The following CCAR2 variants were observed in gnomAD, a reference collection of about 807,000 sequenced individuals.
The protein encoded by CCAR2 is cell cycle and apoptosis regulator 2, also known as cell cycle and apoptosis regulator protein 2.
A neutral mutation model predicts 108.1 loss-of-function variants in CCAR2; 21 were observed. The ratio of observed to expected loss-of-function variants is 0.19; its 90% CI spans 0.14 to 0.28. The LOEUF (loss-of-function observed/expected upper bound fraction) is 0.28, where lower values mean the gene tolerates loss of function less well. CCAR2 is among the 10% of genes least tolerant of loss of function. The probability of loss-of-function intolerance (pLI) is 1.00; values close to 1 mark genes in which losing one functional copy is unlikely to be tolerated. For missense variants in CCAR2, 1,126 were observed against 1,177.0 expected (o/e 0.96, Z 0.63); for synonymous variants, 577 against 472.8 (o/e 1.22, Z -2.86).
Position 22,620,158 on chromosome 8 carries a change from T to C in CCAR2, c.*476T>C, listed in dbSNP as rs200102050. On this transcript the variant is annotated 3_prime_UTR_variant, in exon 21 of 21. Coordinates refer to ENST00000308511, the MANE Select transcript of CCAR2 (RefSeq NM_001393997.1). The stretch of plus-strand genomic sequence containing the variant: ...GCTCTGCTAGGTTCCGGACACAGGC[T>C]TCTGGGGGAAGGGTCTCCCTTGGCC... The C allele has an allele frequency of 5.0e-5, 8 of 161,152 alleles. No homozygotes were observed. Among genetic ancestry groups the C allele is most frequent in the Non-Finnish European group, 8.2e-5 (6 of 73,014 alleles). The allele number at this position is 161,152 out of a possible 1,614,324, so 10.0% of individuals were successfully genotyped here.
At position 22,613,054 on chromosome 8, in the gene CCAR2, G is replaced by A. The variant is rs1328446712; in HGVS notation, c.622G>A (p.Gly208Ser). Residue 208 changes from glycine to serine, a missense_variant, in exon 8 of 21, where the codon GGT (glycine) becomes AGT (serine). Around this residue, in one of 4 missense-constraint regions of CCAR2, gnomAD observed 1,013 missense variants for 993.9 expected, o/e 1.02. Coordinates refer to ENST00000308511, the MANE Select transcript of CCAR2 (RefSeq NM_001393997.1). The stretch of plus-strand genomic sequence containing the variant: ...CTCCAAGAAACGCAAACAGCGGGCT[G>A]GTGGAGAGCCCTGGGGTGCTAAGAA... ...YDSKKRKQRAGGEPWGAKKPR... is the reference protein window; with the variant it reads ...YDSKKRKQRASGEPWGAKKPR... 6.2e-7 allele frequency: 1 copy of A among 1,613,182 alleles called. No homozygotes were observed. Among genetic ancestry groups the A allele is most frequent in the Non-Finnish European group, 8.5e-7 (1 of 1,179,752 alleles).
intron 7 of CCAR2, among the ~76,000 whole-genome samples, chr8:22,608,918 C>CA (rs1801180720): frequency 6.6e-6 from 1 of 152,230 alleles, no homozygotes; most frequent in South Asian, 2.1e-4. Context: ...TCTCTACCTC[C>CA]ATCTATTCAC....
Position 22,616,226 on chromosome 8 carries a change from C to G in CCAR2, c.1823C>G (p.Ala608Gly), listed in dbSNP as rs202065330. Residue 608 changes from alanine (A) to glycine (G), a missense_variant, in exon 14 of 21, where the codon GCT becomes GGT. Physicochemically the swap from Ala to Gly is moderately conservative, Grantham distance 60. Around this residue, in one of 4 missense-constraint regions of CCAR2, gnomAD observed 1,013 missense variants for 993.9 expected, o/e 1.02. Transcript: ENST00000308511. ...GATGAGGCACAGAATGAGGGCCCGG[C>G]TACAGAGTCAGAGGCCCCGCTGGTG... Reference protein sequence around the residue: ...PKDEAQNEGPATESEAPLKED... With the variant: ...PKDEAQNEGPGTESEAPLKED... 1 of 1,613,012 alleles carries G rather than the reference C, an allele frequency of 6.2e-7. No homozygotes were observed. The highest frequency in any genetic ancestry group is 2.2e-5 in the East Asian group (1 of 44,878).
At chr8:22,616,466 C>G (rs1269326831) in intron 14 of CCAR2, 1 of 582,342 alleles carries the variant, frequency 1.7e-6, no homozygotes, top group Non-Finnish European at 3.1e-6. Flanking sequence ...GCACAGAAAC[C>G]CTTGTCACTG....
intron 4 of CCAR2, 106 bp downstream of exon 4, chr8:22,606,804 G>T: frequency 6.8e-7 from 1 of 1,479,244 alleles, no homozygotes; most frequent in Non-Finnish European, 9.4e-7. Context: ...TGCTGTTTTT[G>T]TGCAAGGTGT....
chr8:22,613,410 A>G (rs554569546), intron 8 of CCAR2, among the ~76,000 whole-genome samples: 1 of 147,062 alleles, frequency 6.8e-6, no homozygotes, highest in African/African-American at 2.5e-5. Flanking sequence ...ATGGATGAAC[A>G]TGATTTATTT....
chr8:22,614,576 C>T (rs1801422277), intron 10 of CCAR2, 73 bp downstream of exon 10: 1 of 1,380,628 alleles, frequency 7.2e-7, no homozygotes, highest in African/African-American at 1.4e-5. Flanking sequence ...GAGTGTTCGG[C>T]TCCTGTTCCT....
intron 7 of CCAR2, 49 bp downstream of exon 7, chr8:22,608,114 C>T (rs781577918): frequency 6.5e-6 from 9 of 1,384,846 alleles, no homozygotes; most frequent in Non-Finnish European, 9.1e-6. Flanking sequence ...CACTAACATT[C>T]TCTTTATTTT....
rs201278118 is a variant in CCAR2, at chr8:22,618,924, T to C, written c.2430T>C (p.Ile810=). 1.2e-6 allele frequency: 2 copies of C among 1,613,596 alleles called. No individual in the cohort carries two copies. Among genetic ancestry groups the C allele is most frequent in the East Asian group, 4.5e-5 (2 of 44,886 alleles). Reference sequence around the variant, plus strand: ...TGGTGTCCCACAATGGCAGCCTGATTAACGTGGGGAGCCTGCTGCAGCGCG... The same window carrying C: ...TGGTGTCCCACAATGGCAGCCTGATCAACGTGGGGAGCCTGCTGCAGCGCG... The part of the protein sequence containing the change: ...KALVSHNGSL[I]NVGSLLQRAE... Residue 810 remains isoleucine (I), a synonymous_variant, in exon 19 of 21, where the codon ATT becomes ATC. Coordinates refer to ENST00000308511, the MANE Select transcript of CCAR2 (RefSeq NM_001393997.1).
Position 22,616,183 on chromosome 8 carries a change from G to A in CCAR2, c.1780G>A (p.Val594Met). The A allele has an allele frequency of 6.2e-7, 1 of 1,614,012 alleles. No homozygotes were observed. Among genetic ancestry groups the A allele is most frequent in the Non-Finnish European group, 8.5e-7 (1 of 1,180,030 alleles). Residue 594 changes from valine to methionine, a missense_variant, in exon 14 of 21, where the codon GTG becomes ATG. This residue lies in a region of CCAR2 where 1,013 missense variants were observed against 993.9 expected (regional missense o/e 1.02). Transcript: ENST00000308511. Reference protein sequence around the residue: ...TKEEEAIKEEVVKEPKDEAQN... With the variant: ...TKEEEAIKEEMVKEPKDEAQN... ...GGAGGAAGAAGCCATCAAAGAGGAG[G>A]TGGTCAAGGAGCCCAAGGATGAGGC...
chr8:22,617,966 G>A (rs924849409), intron 16 of CCAR2, among the ~76,000 whole-genome samples, 188 bp downstream of exon 16: 2 of 152,188 alleles, frequency 1.3e-5, no homozygotes, highest in African/African-American at 4.8e-5. Flanking sequence ...TGTCTGTTGG[G>A]GTGAATGGGA....
Position 22,616,003 on chromosome 8 carries a change from C to T in CCAR2, c.1609-9C>T, listed in dbSNP as rs1037492461. On this transcript the variant is annotated splice_polypyrimidine_tract_variant and intron_variant, in intron 13 of 20. Coordinates refer to ENST00000308511, the MANE Select transcript of CCAR2 (RefSeq NM_001393997.1). ...CTGATGCTCATGGACCCTCCCACCTCCCCATCAGGTGATGGTGCTGGCCGA... is the reference window on the plus strand; with the variant it reads ...CTGATGCTCATGGACCCTCCCACCTTCCCATCAGGTGATGGTGCTGGCCGA... 6.2e-7 allele frequency: 1 copy of T among 1,613,852 alleles called. No homozygotes were observed. The highest frequency in any genetic ancestry group is 1.7e-5 in the Admixed American group (1 of 60,024).
intron 7 of CCAR2, 33 bp downstream of exon 7, chr8:22,608,098 T>A (rs779242493): frequency 2.7e-5 from 39 of 1,467,834 alleles, no homozygotes; most frequent in Non-Finnish European, 3.3e-5. Context: ...TTTGGCCACT[T>A]GTTGACACTA....
At chr8:22,619,573 G>A (rs968534605) in intron 20 of CCAR2, 65 bp from the exon 21 acceptor site, 20 of 1,495,312 alleles carry the variant, frequency 1.3e-5, no homozygotes, top group African/African-American at 3.9e-5. Flanking sequence ...GAGGCAGTCC[G>A]CAGTCCGCAG....
intron 16 of CCAR2, 167 bp from the exon 17 acceptor site, chr8:22,618,182 C>T (rs1585166333): frequency 2.4e-6 from 2 of 848,954 alleles, no homozygotes; most frequent in South Asian, 3.1e-5. Flanking sequence ...CCTCGAACTC[C>T]TGGGTTCAAG....
Position 22,607,235 on chromosome 8 carries a change from G to A in CCAR2, c.397G>A (p.Ala133Thr). The change falls in exon 6 of 21, where the codon GCA becomes ACA. Residue 133 changes from alanine (A) to threonine (T), a missense_variant. Ala to Thr is a moderately conservative substitution (Grantham distance 58). This residue lies in a region of CCAR2 where 44 missense variants were observed against 63.4 expected (regional missense o/e 0.69). Transcript: ENST00000308511. The stretch of plus-strand genomic sequence containing the variant: ...CCCAGCACCTCCTCTTCTGCATGTA[G>A]CAGCCCTGGGCCAGAAGCAAGGGAT... ...KSPAPPLLHVAALGQKQGILG... is the reference protein window; with the variant it reads ...KSPAPPLLHVTALGQKQGILG... 1.2e-6 allele frequency: 2 copies of A among 1,613,994 alleles called. No homozygotes were observed. Among genetic ancestry groups the A allele is most frequent in the African/African-American group, 1.3e-5 (1 of 75,006 alleles).
Position 22,615,817 on chromosome 8 carries a change from C to T in CCAR2, c.1513C>T (p.Leu505=). 5 of 1,614,018 alleles carry T rather than the reference C, an allele frequency of 3.1e-6. No individual in the cohort carries two copies. The highest frequency in any genetic ancestry group is 4.2e-6 in the Non-Finnish European group (5 of 1,180,030). ...TDLPEAPPPP[L]EPAVIARPGC... Reference sequence around the variant, plus strand: ...TCTCCCAGAGGCCCCTCCACCCCCCCTAGAACCTGCTGTCATCGCACGCCC... The same window carrying T: ...TCTCCCAGAGGCCCCTCCACCCCCCTTAGAACCTGCTGTCATCGCACGCCC... The change falls in exon 13 of 21, where the codon CTA becomes TTA. Residue 505 remains leucine, a synonymous_variant. Coordinates refer to ENST00000308511, the MANE Select transcript of CCAR2 (RefSeq NM_001393997.1).
chr8:22,617,537 C>T lies in CCAR2; in HGVS notation c.1963C>T (p.Leu655=). ...GGCCCTGGACCCAGAACTGTTGCTT[C>T]TGAGGGATGATGGAGAGGAGGAGTT... The part of the protein sequence containing the change: ...EMALDPELLL[L]RDDGEEEFAG... The change falls in exon 15 of 21, where the codon CTG becomes TTG. Residue 655 remains leucine, a synonymous_variant. Transcript: ENST00000308511. 1.2e-6 allele frequency: 2 copies of T among 1,601,680 alleles called. No individual in the cohort carries two copies. Among genetic ancestry groups the T allele is most frequent in the Non-Finnish European group, 1.7e-6 (2 of 1,173,270 alleles).
At chr8:22,612,095 G>A (rs1262572144) in intron 7 of CCAR2, among the ~76,000 whole-genome samples, 1 of 151,808 alleles carries the variant, frequency 6.6e-6, no homozygotes, top group Non-Finnish European at 1.5e-5. Context: ...ACAGACGTGT[G>A]CAACCACACC....
Sources: gnomAD v4.1 joint callset for allele counts (sites outside exome capture counted in the v4.1 genomes callset) on GRCh38, gnomAD v4.1.1 for gene constraint, gnomAD v4.1.1 regional missense constraint, MANE v1.5 for transcripts, NCBI Gene and HGNC (gene_info 2026-07-23, HGNC 2026-07-21) for gene names.